The following EBF1 variants were observed in gnomAD, a reference collection of about 807,000 sequenced individuals.
The protein encoded by EBF1 is transcription factor COE1.
Under a neutral mutation model 68.4 loss-of-function variants are expected in EBF1, and 10 were observed. The observed-to-expected ratio is 0.15, with a 90% CI of 0.09 to 0.25. The LOEUF (loss-of-function observed/expected upper bound fraction) is 0.25, where lower values mean the gene tolerates loss of function less well. Ranked by LOEUF, EBF1 falls within the 10% of genes least tolerant of loss-of-function variation. The pLI, the probability that EBF1 is intolerant of heterozygous loss-of-function variation, is 1.00. For synonymous variants in EBF1, 298 were observed against 299.8 expected (o/e 0.99, Z 0.06); for missense variants, 509 against 794.4 (o/e 0.64, Z 4.32).
intron 9 of EBF1, among the ~76,000 whole-genome samples, chr5:158,785,165 A>C (rs781550117): frequency 6.6e-6 from 1 of 152,230 alleles, no homozygotes; most frequent in Non-Finnish European, 1.5e-5. Context: ...AAACTGTAAC[A>C]TAAAAGCATA....
chr5:158,769,099 G>A (rs186766146), intron 10 of EBF1, among the ~76,000 whole-genome samples: 1 of 152,262 alleles, frequency 6.6e-6, no homozygotes, highest in Admixed American at 6.5e-5. Flanking sequence ...GTGACAAATA[G>A]TTCATGTTCC....
At chr5:158,858,460 C>T (rs1794426537) in intron 6 of EBF1, among the ~76,000 whole-genome samples, 1 of 152,164 alleles carries the variant, frequency 6.6e-6, no homozygotes. Context: ...CTGGAAGGCA[C>T]TGGCTTGCTC....
intron 10 of EBF1, among the ~76,000 whole-genome samples, chr5:158,774,283 C>A (rs576937392): frequency 3.9e-5 from 6 of 152,192 alleles, no homozygotes; most frequent in African/African-American, 1.4e-4. Flanking sequence ...TGTGCTTGGT[C>A]AGATTCTTCC....
intron 6 of EBF1, among the ~76,000 whole-genome samples, chr5:158,884,543 CAG>C: frequency 6.6e-6 from 1 of 152,156 alleles, no homozygotes; most frequent in African/African-American, 2.4e-5. Flanking sequence ...GCCCTCAGGA[CAG>C]GGGAAAGTTG....
rs1020822901 is a variant in EBF1 at position 158,810,754 on chromosome 5, G to A, written c.778+12422C>T. ...CTTGGGTTCTGCTTTCATGCTTAGC[G>A]TTCAGATATGCACTCAGTCCATTCA... On this transcript the variant is annotated intron_variant, in intron 8 of 15. Transcript: ENST00000313708. Among the ~76,000 whole-genome samples the A allele has an allele frequency of 4.6e-5, 7 of 152,256 alleles. No individual in the cohort carries two copies. The East Asian group carries it at 5.8e-4, about 13-fold the overall frequency.
intron 4 of EBF1, among the ~76,000 whole-genome samples, chr5:159,086,750 T>C (rs1173519655): frequency 2.0e-5 from 3 of 152,148 alleles, no homozygotes; most frequent in Admixed American, 6.6e-5. Context: ...GGTAAAGTTA[T>C]TACTTTACCC....
intron 6 of EBF1, among the ~76,000 whole-genome samples, chr5:158,940,351 G>A (rs759024591): frequency 2.0e-5 from 3 of 152,218 alleles, no homozygotes; most frequent in Non-Finnish European, 4.4e-5. Context: ...AGTCCAGGGA[G>A]TAGTAATAAC....
chr5:158,789,223 C>T (rs1455533746), intron 9 of EBF1, among the ~76,000 whole-genome samples: 3 of 152,042 alleles, frequency 2.0e-5, no homozygotes, highest in African/African-American at 7.2e-5. Flanking sequence ...AAAAAATAGG[C>T]AACTAGGAGT....
At chr5:158,740,194 C>T (rs1016026321) in intron 10 of EBF1, among the ~76,000 whole-genome samples, 1 of 152,206 alleles carries the variant, frequency 6.6e-6, no homozygotes. Context: ...ACTTATTACT[C>T]TCCTAGAACA....
intron 6 of EBF1, among the ~76,000 whole-genome samples, chr5:158,946,946 TC>T (rs1355577263): frequency 2.0e-5 from 3 of 152,042 alleles, no homozygotes; most frequent in Middle Eastern, 3.2e-3. Flanking sequence ...TGCAGTGAGC[TC>T]CCCCTAGCTG....
At chr5:158,775,784 A>ATG (rs1775060390) in intron 10 of EBF1, among the ~76,000 whole-genome samples, 5 of 8,128 alleles carry the variant, frequency 6.2e-4, no homozygotes, top group African/African-American at 4.6e-3. Flanking sequence ...ATGCACACAG[A>ATG]CACACACACA....
In EBF1 at chr5:158,736,817, A is replaced by G. The variant is rs534289643; in HGVS notation, c.1037-5660T>C. Reference sequence around the variant, plus strand: ...AACCAGAGGTAAACAATAAAACAGCAAGTTATCTTCACAAATCTATCTTTA... The same window carrying G: ...AACCAGAGGTAAACAATAAAACAGCGAGTTATCTTCACAAATCTATCTTTA... On this transcript the variant is annotated intron_variant, in intron 10 of 15. Coordinates refer to ENST00000313708, the MANE Select transcript of EBF1 (RefSeq NM_024007.5). Among the ~76,000 whole-genome samples the G allele has an allele frequency of 5.6e-4, 86 of 152,340 alleles. 1 individual carries two copies. The South Asian group carries it at 0.017, about 30-fold the overall frequency.
At chr5:159,042,488 A>G (rs1166861882) in intron 6 of EBF1, among the ~76,000 whole-genome samples, 16 of 152,148 alleles carry the variant, frequency 1.1e-4, no homozygotes, top group Admixed American at 1.0e-3. Flanking sequence ...AATGAATTCA[A>G]ATATCCTAAA....
At chr5:159,051,625 A>G (rs572939407) in intron 6 of EBF1, among the ~76,000 whole-genome samples, 1 of 151,786 alleles carries the variant, frequency 6.6e-6, no homozygotes, top group Admixed American at 6.6e-5. Context: ...TGCGCTCGGC[A>G]CCAGGGCTGG....
chr5:158,740,317 G>T (rs1431774340), intron 10 of EBF1, among the ~76,000 whole-genome samples: 1 of 152,082 alleles, frequency 6.6e-6, no homozygotes, highest in East Asian at 1.9e-4. Context: ...CTGGGCTGAA[G>T]TCCTACTTGT....
intron 6 of EBF1, among the ~76,000 whole-genome samples, chr5:158,934,842 C>A (rs1213553809): frequency 6.6e-6 from 1 of 152,150 alleles, no homozygotes; most frequent in Non-Finnish European, 1.5e-5. Context: ...AAAATTATAG[C>A]CTGACCCTGA....
chr5:159,066,549 C>A lies in EBF1; in HGVS notation c.554+6847G>T, dbSNP rs534982400. Among the ~76,000 whole-genome samples, 36 of 152,086 alleles carry A rather than the reference C, an allele frequency of 2.4e-4. 1 individual carries two copies. In the Middle Eastern group the frequency reaches 0.02, roughly 86 times the overall value. On this transcript the variant is annotated intron_variant, in intron 6 of 15. Transcript: ENST00000313708. ...TTTGCATCATTTAACATATGTGACA[C>A]CCCCTGCCCCACCCATGAAAAATGT...
chr5:158,949,620 G>C (rs989462910), intron 6 of EBF1, among the ~76,000 whole-genome samples: 13 of 152,284 alleles, frequency 8.5e-5, no homozygotes, highest in Middle Eastern at 3.4e-3. Context: ...AGATAAAAAG[G>C]TGACCCACAC....
rs530467741 is a variant in EBF1, at chr5:158,892,212, G to C, written c.555-52102C>G. 5.3e-5 allele frequency among the ~76,000 whole-genome samples: 8 copies of C among 152,274 alleles called. No homozygotes were observed. In the South Asian group the frequency reaches 1.4e-3, roughly 28 times the overall value. On this transcript the variant is annotated intron_variant, in intron 6 of 15. Coordinates refer to ENST00000313708, the MANE Select transcript of EBF1 (RefSeq NM_024007.5). The stretch of plus-strand genomic sequence containing the variant: ...TCCCTAATCCAAAAATCTGAGGCCA[G>C]GCACAGTGGCTTATGCCTGTAATCC...
Sources: gnomAD v4.1 joint callset for allele counts (sites outside exome capture counted in the v4.1 genomes callset) on GRCh38, gnomAD v4.1.1 for gene constraint, MANE v1.5 for transcripts, NCBI Gene and HGNC (gene_info 2026-07-23, HGNC 2026-07-21) for gene names.